The following MAMLD1 variants were observed in gnomAD, a reference collection of about 807,000 sequenced individuals.
The protein encoded by MAMLD1 is mastermind-like domain-containing protein 1.
A neutral mutation model predicts 45.0 loss-of-function variants in MAMLD1; 14 were observed. That is an observed-to-expected ratio of 0.31 (90% CI 0.21 to 0.49). The LOEUF (loss-of-function observed/expected upper bound fraction) is 0.49. Ranked by LOEUF, MAMLD1 falls within the 20% of genes least tolerant of loss-of-function variation. MAMLD1 has a pLI of 0.99. For synonymous variants in MAMLD1, 254 were observed against 247.8 expected (o/e 1.02, Z -0.24); for missense variants, 543 against 603.6 (o/e 0.90, Z 1.05).
chrX:150,504,549 C>A, intron 6 of MAMLD1: 1 of 529,759 alleles, frequency 1.9e-6, no homozygotes, highest in Non-Finnish European at 2.3e-6. Flanking sequence ...TCAGCTGAAA[C>A]CAGAGAAATC....
At chrX:150,426,633 GAAT>G (rs782212455) in intron 1 of MAMLD1, among the ~76,000 whole-genome samples, 12 of 111,839 alleles carry the variant, frequency 1.1e-4, no homozygotes, top group Non-Finnish European at 2.1e-4. Flanking sequence ...AGGGATAGCA[GAAT>G]AATAAGAATC....
intron 5 of MAMLD1, 31 bp downstream of exon 5, chrX:150,473,833 T>C (rs377232393): frequency 5.0e-6 from 6 of 1,196,049 alleles, no homozygotes; most frequent in East Asian, 3.0e-5. Context: ...TTGTCTTCAA[T>C]TGGGTACATT....
At chrX:150,498,686 T>G (rs1273150798) in intron 5 of MAMLD1, among the ~76,000 whole-genome samples, 1 of 112,955 alleles carries the variant, frequency 8.9e-6, no homozygotes, top group African/African-American at 3.2e-5. Flanking sequence ...AGCATTCTAT[T>G]CTTTCTGGGA....
In MAMLD1 at chrX:150,512,824, TC is replaced by T. The variant is rs1166864152; in HGVS notation, c.*870del. The T allele has an allele frequency of 3.5e-6, 4 of 1,153,751 alleles. No homozygotes were observed. The Admixed American group carries it at 1.0e-4, about 30-fold the overall frequency. On this transcript the variant is annotated 3_prime_UTR_variant, in exon 8 of 8. Coordinates refer to ENST00000370401, the MANE Select transcript of MAMLD1 (RefSeq NM_005491.5). Reference sequence around the variant, plus strand: ...CAGGTCCGTTCGACAGAACGGATATTCCCCCTGAGCTGCCACCTGCCGACTT... The same window carrying T: ...CAGGTCCGTTCGACAGAACGGATATTCCCCTGAGCTGCCACCTGCCGACTT...
intron 1 of MAMLD1, among the ~76,000 whole-genome samples, chrX:150,412,975 C>T (rs1446809161): frequency 9.0e-6 from 1 of 111,307 alleles, no homozygotes; most frequent in African/African-American, 3.3e-5. Flanking sequence ...ATCTGCCTGC[C>T]TCAGCCTCCT....
chrX:150,371,518 T>C (rs2031985841), intron 1 of MAMLD1, among the ~76,000 whole-genome samples: 1 of 111,359 alleles, frequency 9.0e-6, no homozygotes, highest in African/African-American at 3.3e-5. Flanking sequence ...CAAAAAGGCC[T>C]GGTGGCCCCA....
intron 1 of MAMLD1, among the ~76,000 whole-genome samples, chrX:150,392,265 A>C (rs2033212582): frequency 8.9e-6 from 1 of 111,911 alleles, no homozygotes; most frequent in South Asian, 3.7e-4. Context: ...ATGGAGGTTC[A>C]GCTCCCCACT....
chrX:150,371,634 G>A (rs1293755944), intron 1 of MAMLD1, among the ~76,000 whole-genome samples: 1 of 111,961 alleles, frequency 8.9e-6, no homozygotes, highest in African/African-American at 3.3e-5. Flanking sequence ...CAAGTTCTTG[G>A]TCCAATTGTC....
At chrX:150,446,842 C>T (rs2035503762) in intron 2 of MAMLD1, among the ~76,000 whole-genome samples, 1 of 112,711 alleles carries the variant, frequency 8.9e-6, no homozygotes, top group African/African-American at 3.2e-5. Flanking sequence ...AAAGAAAAAC[C>T]TGATAATGCT....
intron 2 of MAMLD1, among the ~76,000 whole-genome samples, chrX:150,461,399 A>G (rs2036034568): frequency 8.9e-6 from 1 of 112,629 alleles, no homozygotes; most frequent in Non-Finnish European, 1.9e-5. Context: ...TTACTGCTTG[A>G]GAGTGTTTTC....
At chrX:150,362,644 G>T (rs1035682103), upstream of MAMLD1, among the ~76,000 whole-genome samples, 13 of 111,635 alleles carry the variant, frequency 1.2e-4, no homozygotes, top group African/African-American at 4.2e-4. Context: ...CTCCGTGCTC[G>T]CTCTTCGTGT....
At position 150,469,812 on chromosome X, in the gene MAMLD1, C is replaced by T. The variant is rs781950868; in HGVS notation, c.239C>T (p.Pro80Leu). The stretch of plus-strand genomic sequence containing the variant: ...CCAGACATGGCTGATGGGGGCTACC[C>T]TAATAAAATTAAGAGGCCTTGCCTT... Reference protein sequence around the residue: ...QFPDMADGGYPNKIKRPCLED... With the variant: ...QFPDMADGGYLNKIKRPCLED... The change falls in exon 4 of 8, where the codon CCT becomes CTT. Residue 80 changes from proline (P) to leucine (L), a missense_variant. Physicochemically the swap from Pro to Leu is moderately conservative, Grantham distance 98. Transcript: ENST00000370401. 5.0e-6 allele frequency: 6 copies of T among 1,211,313 alleles called. No homozygotes were observed. The South Asian group carries it at 7.0e-5, about 14-fold the overall frequency.
chrX:150,373,167 C>T (rs1464246802), intron 1 of MAMLD1, among the ~76,000 whole-genome samples: 1 of 111,678 alleles, frequency 9.0e-6, no homozygotes, highest in Non-Finnish European at 1.9e-5. Context: ...GCCTGCTCTT[C>T]CTGGGCGTCC....
At chrX:150,461,562 C>T (rs373854669) in intron 2 of MAMLD1, among the ~76,000 whole-genome samples, 7 of 111,919 alleles carry the variant, frequency 6.3e-5, no homozygotes, top group African/African-American at 1.6e-4. Context: ...ATTGGCCACA[C>T]GGCATGGCTG....
intron 1 of MAMLD1, among the ~76,000 whole-genome samples, chrX:150,413,265 A>G (rs1439378512): frequency 9.0e-6 from 1 of 111,045 alleles, no homozygotes; most frequent in Non-Finnish European, 1.9e-5. Context: ...CTTCTCTTCC[A>G]CAGTATTTCT....
chrX:150,485,850 T>C (rs1602982525), intron 5 of MAMLD1, among the ~76,000 whole-genome samples: 1 of 111,764 alleles, frequency 8.9e-6, no homozygotes, highest in South Asian at 3.8e-4. Context: ...AATTGGTCAG[T>C]AGATAAAAGA....
At chrX:150,410,011 G>T (rs1434938042) in intron 1 of MAMLD1, among the ~76,000 whole-genome samples, 2 of 112,058 alleles carry the variant, frequency 1.8e-5, no homozygotes, top group Non-Finnish European at 3.8e-5. Flanking sequence ...ATAGTAGTGA[G>T]CCCAGGCCTA....
chrX:150,421,781 A>G (rs782312859), intron 1 of MAMLD1, among the ~76,000 whole-genome samples: 2 of 112,339 alleles, frequency 1.8e-5, no homozygotes, highest in South Asian at 3.7e-4. Context: ...CAGGGCTTCA[A>G]TTCCCCAGAT....
chrX:150,465,514 T>C (rs1557405847), intron 3 of MAMLD1, among the ~76,000 whole-genome samples: 1 of 112,054 alleles, frequency 8.9e-6, no homozygotes, highest in African/African-American at 3.2e-5. Context: ...GGTGGCTTTG[T>C]CTGCCGGATT....
Sources: allele counts gnomAD v4.1 joint callset (sites outside exome capture counted in the v4.1 genomes callset), GRCh38; gene constraint gnomAD v4.1.1; transcripts MANE v1.5; gene names NCBI Gene and HGNC (gene_info 2026-07-23, HGNC 2026-07-21).